DYM: variants seen among roughly 807,000 people sequenced by gnomAD.
DYM encodes the protein dyggve-Melchior-Clausen syndrome protein.
Under a neutral mutation model 93.1 loss-of-function variants are expected in DYM, and 78 were observed. That is an observed-to-expected ratio of 0.84 (90% confidence interval 0.70 to 1.01). The LOEUF (loss-of-function observed/expected upper bound fraction) is 1.01. Among genes scored for constraint, DYM ranks in the 50% least tolerant of loss-of-function variants. The pLI, the probability that DYM is intolerant of heterozygous loss-of-function variation, is 0.00. For synonymous variants in DYM, 321 were observed against 319.7 expected (o/e 1.00, Z -0.04); for missense variants, 789 against 845.0 (o/e 0.93, Z 0.82).
intron 11 of DYM, among the ~76,000 whole-genome samples, chr18:49,269,934 T>G (rs994394178): frequency 1.3e-5 from 2 of 152,318 alleles, no homozygotes; most frequent in African/African-American, 4.8e-5. Flanking sequence ...CAAGTTCCAT[T>G]CATGGTACCC....
At chr18:49,390,352 C>A (rs2069086138) in intron 3 of DYM, among the ~76,000 whole-genome samples, 1 of 152,040 alleles carries the variant, frequency 6.6e-6, no homozygotes, top group African/African-American at 2.4e-5. Flanking sequence ...ATCACTGAAG[C>A]CCAGGAGATC....
chr18:49,182,641 G>A (rs2090038710), intron 14 of DYM, among the ~76,000 whole-genome samples: 1 of 152,004 alleles, frequency 6.6e-6, no homozygotes, highest in Non-Finnish European at 1.5e-5. Flanking sequence ...CTATCCTTTT[G>A]CTATAGTTTT....
At chr18:49,059,572 G>T (rs2075780954) in intron 17 of DYM, among the ~76,000 whole-genome samples, 1 of 152,118 alleles carries the variant, frequency 6.6e-6, no homozygotes, top group African/African-American at 2.4e-5. Flanking sequence ...TTGATCCTTA[G>T]CTGTTTTCCT....
In DYM at chr18:49,359,256, C is replaced by T. The variant is rs570818626; in HGVS notation, c.494+3905G>A. On this transcript the variant is annotated intron_variant, in intron 6 of 17. Coordinates refer to ENST00000675505, the MANE Select transcript of DYM (RefSeq NM_001353214.3). ...TGCTTTTGGCCGATTTATTTAAATT[C>T]TAGTGGGATCGATCCAATACACACT... Among the ~76,000 whole-genome samples the T allele has an allele frequency of 2.5e-3, 374 of 152,252 alleles. 1 individual carries two copies. The highest frequency in any genetic ancestry group is 8.5e-3 in the African/African-American group (351 of 41,538).
At chr18:49,239,722 G>A (rs1254528448) in intron 13 of DYM, among the ~76,000 whole-genome samples, 10 of 152,194 alleles carry the variant, frequency 6.6e-5, no homozygotes, top group Non-Finnish European at 1.3e-4. Flanking sequence ...CTTGAGATGG[G>A]AGCACACTGG....
intron 15 of DYM, among the ~76,000 whole-genome samples, chr18:49,123,805 T>C (rs2082580175): frequency 6.6e-6 from 1 of 152,210 alleles, no homozygotes. Flanking sequence ...TATATTTGCT[T>C]CTCATTTTGG....
chr18:49,241,517 A>G (rs2094009821), intron 13 of DYM, among the ~76,000 whole-genome samples: 1 of 152,224 alleles, frequency 6.6e-6, no homozygotes, highest in Admixed American at 6.5e-5. Context: ...CCCGAACTCA[A>G]TCAGATTCTA....
chr18:49,076,475 A>AT lies in DYM; in HGVS notation c.2025+20926dup, dbSNP rs200548364. Among the ~76,000 whole-genome samples, 716 of 152,284 alleles carry AT rather than the reference A, an allele frequency of 4.7e-3. 4 individuals are homozygous for AT. Among genetic ancestry groups the AT allele is most frequent in the African/African-American group, 0.017 (692 of 41,556 alleles). Reference sequence around the variant, plus strand: ...TTCAGAGTAGGTACCATATAAAATCATTTTTCTGGAGCCATTTTATGTTTT... The same window carrying AT: ...TTCAGAGTAGGTACCATATAAAATCATTTTTTCTGGAGCCATTTTATGTTTT... On this transcript the variant is annotated intron_variant, in intron 17 of 17. Coordinates refer to ENST00000675505, the MANE Select transcript of DYM (RefSeq NM_001353214.3).
At chr18:49,106,774 A>T (rs532003653) in intron 16 of DYM, among the ~76,000 whole-genome samples, 3 of 152,218 alleles carry the variant, frequency 2.0e-5, no homozygotes, top group South Asian at 4.1e-4. Context: ...CCGAGAGATC[A>T]GCTGTTAGTC....
rs551858563 is a variant in DYM, at chr18:49,086,010, A to G, written c.2025+11392T>C. The stretch of plus-strand genomic sequence containing the variant: ...AATTCTATCAAAACTAATAGCGGGG[A>G]TTTCAAGGTAAAATCACACAGCTTA... On this transcript the variant is annotated intron_variant, in intron 17 of 17. Transcript: ENST00000675505. Among the ~76,000 whole-genome samples the G allele has an allele frequency of 3.2e-3, 483 of 152,262 alleles. 4 individuals carry two copies. The highest frequency in any genetic ancestry group is 4.9e-3 in the Non-Finnish European group (335 of 68,006).
chr18:49,257,415 G>A (rs1291415588), intron 12 of DYM, among the ~76,000 whole-genome samples: 1 of 152,172 alleles, frequency 6.6e-6, no homozygotes, highest in African/African-American at 2.4e-5. Context: ...GTTACACATA[G>A]TAGAGTATAT....
At chr18:49,088,269 T>C (rs916293656) in intron 17 of DYM, among the ~76,000 whole-genome samples, 9 of 152,218 alleles carry the variant, frequency 5.9e-5, no homozygotes, top group African/African-American at 2.2e-4. Flanking sequence ...AAGTCTTTAA[T>C]CCATCTTGAA....
At chr18:49,214,203 G>T (rs1298827639) in intron 13 of DYM, among the ~76,000 whole-genome samples, 1 of 152,178 alleles carries the variant, frequency 6.6e-6, no homozygotes, top group Admixed American at 6.5e-5. Flanking sequence ...CATAGCAGTA[G>T]GTGAGTGGCA....
intron 17 of DYM, among the ~76,000 whole-genome samples, chr18:49,052,856 A>G (rs1004129642): frequency 6.6e-6 from 1 of 152,164 alleles, no homozygotes; most frequent in African/African-American, 2.4e-5. Flanking sequence ...CTTGGATCTC[A>G]TAGTCATGGC....
intron 16 of DYM, among the ~76,000 whole-genome samples, chr18:49,098,299 G>A (rs1205899311): frequency 6.6e-6 from 1 of 152,112 alleles, no homozygotes; most frequent in Non-Finnish European, 1.5e-5. Flanking sequence ...GTAAAGTTGA[G>A]CATTACCTTT....
chr18:49,297,272 C>T (rs1029242985), intron 8 of DYM, among the ~76,000 whole-genome samples: 8 of 152,096 alleles, frequency 5.3e-5, no homozygotes, highest in African/African-American at 1.7e-4. Flanking sequence ...TAAAAATGAA[C>T]AAACTATGCT....
At chr18:49,176,923 C>CTTA (rs1306227331) in intron 14 of DYM, among the ~76,000 whole-genome samples, 2 of 151,952 alleles carry the variant, frequency 1.3e-5, no homozygotes, top group African/African-American at 4.8e-5. Flanking sequence ...AGATATCGAT[C>CTTA]TTATTAGAAG....
chr18:49,400,187 C>T (rs2070653241), intron 2 of DYM, among the ~76,000 whole-genome samples: 1 of 152,038 alleles, frequency 6.6e-6, no homozygotes, highest in Non-Finnish European at 1.5e-5. Context: ...GTGATCCACC[C>T]ACCTTGGCCT....
At chr18:49,112,332 G>A (rs1187334462) in intron 16 of DYM, among the ~76,000 whole-genome samples, 1 of 152,118 alleles carries the variant, frequency 6.6e-6, no homozygotes. Flanking sequence ...TCTCCTGGGT[G>A]TTCTGTAATG....
Sources: gnomAD v4.1 joint callset for allele counts (sites outside exome capture counted in the v4.1 genomes callset) on GRCh38, gnomAD v4.1.1 for gene constraint, MANE v1.5 for transcripts, NCBI Gene and HGNC (gene_info 2026-07-23, HGNC 2026-07-21) for gene names.